STK10: variants seen among roughly 807,000 people sequenced by gnomAD.
The protein encoded by STK10 is serine/threonine kinase 10.
STK10 carries 78 observed loss-of-function variants against 113.8 expected under a neutral mutation model. The ratio of observed to expected loss-of-function variants is 0.69; its 90% confidence interval spans 0.57 to 0.83. The LOEUF is 0.83. STK10 is among the 40% of genes least tolerant of loss of function. The pLI is 0.00. For missense variants in STK10, 1,109 were observed against 1,280.1 expected, an observed-to-expected ratio of 0.87 and a Z score of 2.04; for synonymous variants, 465 against 494.7, an observed-to-expected ratio of 0.94 and a Z score of 0.80.
chr5:172,187,786 A>G lies in STK10; in HGVS notation c.156+101T>C. On this transcript the variant is annotated intron_variant, in intron 1 of 18. Coordinates refer to ENST00000176763, the MANE Select transcript of STK10 (RefSeq NM_005990.4). This position sits in a 1 kb window ranked among gnomAD's most constrained non-coding sequence, Gnocchi z 4.6. ...AGGGACCCCGAATTCAGCGCCGGGC[A>G]GCCCTCGGAGCCGGAGCCAGGCTGG... The G allele has an allele frequency of 6.7e-7, 1 of 1,498,584 alleles. No homozygotes were observed. The highest frequency in any genetic ancestry group is 9.0e-7 in the Non-Finnish European group (1 of 1,113,604). The allele number at this position is 1,498,584 out of a possible 1,614,324, so 92.8% of individuals were successfully genotyped here.
At chr5:172,114,134 T>C (rs1323530693) in intron 4 of STK10, among the ~76,000 whole-genome samples, 3 of 152,050 alleles carry the variant, frequency 2.0e-5, no homozygotes, top group Non-Finnish European at 4.4e-5. Flanking sequence ...AGCTGTGCTC[T>C]TTCCCACTAT....
rs184129413 is a variant in STK10, at chr5:172,110,679, G to A, written c.521-2827C>T. 1.4e-4 allele frequency among the ~76,000 whole-genome samples: 21 copies of A among 152,292 alleles called. No homozygotes were observed. In the East Asian group the frequency reaches 4.0e-3, roughly 29 times the overall value. ...AAGGAGGGGGCCGGGGGTGGAAGCA[G>A]ATAAGGCAGGAGACGGGCAGGGCAG... On this transcript the variant is annotated intron_variant, in intron 4 of 18. Transcript: ENST00000176763.
intron 4 of STK10, among the ~76,000 whole-genome samples, chr5:172,116,776 G>C (rs912918837): frequency 7.2e-5 from 11 of 152,064 alleles, no homozygotes; most frequent in African/African-American, 2.7e-4. Flanking sequence ...GCTGAGGCAG[G>C]AGAATCACTT....
chr5:172,123,811 C>T (rs1386577095), intron 3 of STK10, among the ~76,000 whole-genome samples: 1 of 152,122 alleles, frequency 6.6e-6, no homozygotes, highest in African/African-American at 2.4e-5. Flanking sequence ...ATGGCTGGAG[C>T]TCCCACACCA....
At chr5:172,139,239 T>C (rs1769929495) in intron 2 of STK10, among the ~76,000 whole-genome samples, 1 of 151,958 alleles carries the variant, frequency 6.6e-6, no homozygotes. Context: ...CAAAACAATT[T>C]TGAAAAAGAA....
chr5:172,046,775 A>G (rs1394635570), intron 18 of STK10, among the ~76,000 whole-genome samples: 3 of 152,242 alleles, frequency 2.0e-5, no homozygotes, highest in Admixed American at 2.0e-4. Flanking sequence ...TCAGCCACAG[A>G]CAATCTGTAA....
rs74662162 is a variant in STK10, at chr5:172,075,324, T to C, written c.1989+7002A>G. Among the ~76,000 whole-genome samples the C allele has an allele frequency of 3.3e-3, 507 of 152,276 alleles. 3 individuals carry two copies. The highest frequency in any genetic ancestry group is 0.012 in the African/African-American group (483 of 41,544). On this transcript the variant is annotated intron_variant, in intron 12 of 18. Coordinates refer to ENST00000176763, the MANE Select transcript of STK10 (RefSeq NM_005990.4). ...AAAAGGAACTGTTGATATTCAGTAG[T>C]AAGAAAAATCACCCAGTTAAATAAA...
intron 14 of STK10, 32 bp downstream of exon 14, chr5:172,061,107 C>G (rs1409358715): frequency 1.3e-6 from 2 of 1,583,986 alleles, no homozygotes; most frequent in Non-Finnish European, 1.7e-6. Context: ...CGACTCTGGG[C>G]CAAGACAGCG....
chr5:172,054,514 C>T, intron 17 of STK10, 55 bp downstream of exon 17: 1 of 1,587,878 alleles, frequency 6.3e-7, no homozygotes, highest in South Asian at 1.1e-5. Flanking sequence ...GATCTGATGG[C>T]CTTGGGGAAA....
At chr5:172,142,840 C>G (rs1421034383) in intron 2 of STK10, among the ~76,000 whole-genome samples, 1 of 152,194 alleles carries the variant, frequency 6.6e-6, no homozygotes, top group African/African-American at 2.4e-5. Flanking sequence ...CATCCCTCCT[C>G]ATGCCTCAAG....
intron 5 of STK10, 197 bp from the exon 6 acceptor site, chr5:172,107,011 C>T: frequency 2.0e-6 from 1 of 502,130 alleles, no homozygotes; most frequent in Non-Finnish European, 3.5e-6. Flanking sequence ...GGCTCCCCGC[C>T]ACGTCCTGCT....
At chr5:172,073,212 G>A (rs545181995) in intron 12 of STK10, among the ~76,000 whole-genome samples, 1 of 152,146 alleles carries the variant, frequency 6.6e-6, no homozygotes, top group Non-Finnish European at 1.5e-5. Context: ...TGCAGTAGTG[G>A]TGCGATCTTG....
chr5:172,166,957 C>T (rs1204535889), intron 1 of STK10, among the ~76,000 whole-genome samples: 5 of 151,844 alleles, frequency 3.3e-5, no homozygotes, highest in African/African-American at 7.3e-5. Flanking sequence ...GTCAGAAGTT[C>T]GAGGCCAGGC....
chr5:172,064,804 G>A lies in STK10; in HGVS notation c.1998C>T (p.Asn666=). ...QLKLMKKEVK[N]EVEKLPRQQR... ...GCTGTCGGGGGAGCTTCTCCACCTC[G>A]TTCTTCACCTGCAGCAGAGACAGCA... Residue 666 remains asparagine (N), a synonymous_variant, in exon 13 of 19, where the codon AAC becomes AAT. Transcript: ENST00000176763. 3.1e-6 allele frequency: 5 copies of A among 1,614,066 alleles called. No individual in the cohort carries two copies. Among genetic ancestry groups the A allele is most frequent in the African/African-American group, 1.3e-5 (1 of 75,022 alleles).
chr5:172,117,237 C>A (rs531149600), intron 4 of STK10, among the ~76,000 whole-genome samples: 1 of 152,058 alleles, frequency 6.6e-6, no homozygotes, highest in Non-Finnish European at 1.5e-5. Flanking sequence ...CAAGAACGCA[C>A]CACTGCACTC....
In STK10 at chr5:172,093,320, G is replaced by A; in HGVS notation, c.1554+92C>T. 1 of 1,364,368 alleles carries A rather than the reference G, an allele frequency of 7.3e-7. No individual in the cohort carries two copies. Among genetic ancestry groups the A allele is most frequent in the Middle Eastern group, 2.3e-4 (1 of 4,336 alleles). 84.5% of individuals were successfully genotyped at this position (1,364,368 alleles called of 1,614,324 possible). ...CCTAATGAACCACTTAAAATGCAAG[G>A]AAGCCCCTAAATGCTTTTGAAACCA... On this transcript the variant is annotated intron_variant, in intron 9 of 18. Coordinates refer to ENST00000176763, the MANE Select transcript of STK10 (RefSeq NM_005990.4). This position sits in a 1 kb window ranked among gnomAD's most constrained non-coding sequence, Gnocchi z 4.1.
At chr5:172,050,300 T>A (rs1000521767) in intron 18 of STK10, among the ~76,000 whole-genome samples, 2 of 152,206 alleles carry the variant, frequency 1.3e-5, no homozygotes, top group African/African-American at 4.8e-5. Context: ...GATGGCTGTC[T>A]AGAGATCCTG....
Position 172,187,975 on chromosome 5 carries a change from T to C in STK10, c.68A>G (p.Tyr23Cys). The C allele has an allele frequency of 1.2e-6, 2 of 1,613,590 alleles. No individual in the cohort carries two copies. Among genetic ancestry groups the C allele is most frequent in the South Asian group, 2.2e-5 (2 of 91,084 alleles). ...GTCCAGGTCGCGGCGGACGTGCTCA[T>C]ATTCGCGGGACTTTCTCTTCTCGAA... The part of the protein sequence containing the change: ...STFEKRKSRE[Y>C]EHVRRDLDPN... Residue 23 changes from tyrosine to cysteine, a missense_variant, in exon 1 of 19, where the codon TAT becomes TGT. This residue lies in a region of STK10 where 57 missense variants were observed against 53.6 expected (regional missense o/e 1.06). Transcript: ENST00000176763. The surrounding 1 kb of genome is among the most constrained non-coding windows in gnomAD (Gnocchi z 4.6).
At chr5:172,114,474 T>TATATATATATATATATATATATATATA (rs55784262) in intron 4 of STK10, 1 of 25,772 alleles carries the variant, frequency 3.9e-5, no homozygotes, top group Non-Finnish European at 6.1e-5. Context: ...TATATATATA[T>TATATATATATATATATATATATATATA]TTTTTTTTTT....
Sources: gnomAD v4.1 joint callset for allele counts (sites outside exome capture counted in the v4.1 genomes callset) on GRCh38, gnomAD v4.1.1 for gene constraint, gnomAD v4.1.1 regional missense constraint, Gnocchi (gnomAD v3.1) non-coding constraint, MANE v1.5 for transcripts, NCBI Gene and HGNC (gene_info 2026-07-23, HGNC 2026-07-21) for gene names.